Variants in CHRM5 observed in about 807,000 individuals in gnomAD.
The protein encoded by CHRM5 is muscarinic acetylcholine receptor M5.
CHRM5 carries 18 observed loss-of-function variants against 39.0 expected under a neutral mutation model. That is an observed-to-expected ratio of 0.46 (90% confidence interval 0.32 to 0.68). The LOEUF (loss-of-function observed/expected upper bound fraction) is 0.68, where lower values mean the gene tolerates loss of function less well. Among genes scored for constraint, CHRM5 ranks in the 30% least tolerant of loss-of-function variants. The pLI is 0.04. For synonymous variants in CHRM5, 241 were observed against 246.3 expected (o/e 0.98, Z 0.20); for missense variants, 515 against 651.1 (o/e 0.79, Z 2.28).
At chr15:34,039,333 C>CAG (rs1358275961) in intron 1 of CHRM5, among the ~76,000 whole-genome samples, 2 of 149,836 alleles carry the variant, frequency 1.3e-5, no homozygotes, top group Non-Finnish European at 3.0e-5. Context: ...CTCAAGGCAT[C>CAG]AGAGATAGGT....
chr15:34,034,389 TTTGCTCACACTACTGCACTCCAGCG>T (rs1413949272), intron 1 of CHRM5, among the ~76,000 whole-genome samples: 1 of 151,514 alleles, frequency 6.6e-6, no homozygotes, highest in African/African-American at 2.4e-5. Flanking sequence ...AGCAGTGAGC[TTTGCTCACACTACTGCACTCCAGCG>T]TGAGCAACAA....
chr15:33,993,584 T>C (rs542218827), intron 1 of CHRM5, among the ~76,000 whole-genome samples: 11 of 152,358 alleles, frequency 7.2e-5, no homozygotes, highest in African/African-American at 2.6e-4. Context: ...TAAAGAGTTT[T>C]ATTCCTTTTA....
chr15:34,005,529 C>T (rs1211775474), intron 1 of CHRM5, among the ~76,000 whole-genome samples: 1 of 152,126 alleles, frequency 6.6e-6, no homozygotes, highest in Non-Finnish European at 1.5e-5. Context: ...ACAGATGCTG[C>T]TTTGAACCCT....
At chr15:34,030,099 C>T (rs1347477872) in intron 1 of CHRM5, among the ~76,000 whole-genome samples, 1 of 151,854 alleles carries the variant, frequency 6.6e-6, no homozygotes, top group Non-Finnish European at 1.5e-5. Flanking sequence ...ACTAAAAATA[C>T]AAAAATTAGC....
intron 1 of CHRM5, among the ~76,000 whole-genome samples, chr15:34,019,862 T>A (rs1439640805): frequency 1.3e-5 from 2 of 152,220 alleles, no homozygotes; most frequent in African/African-American, 4.8e-5. Flanking sequence ...TCAGACTATA[T>A]CCCCATTAAG....
intron 1 of CHRM5, among the ~76,000 whole-genome samples, chr15:33,995,146 C>T (rs1409282358): frequency 6.6e-6 from 1 of 152,048 alleles, no homozygotes; most frequent in Non-Finnish European, 1.5e-5. Context: ...CCTCTATAGT[C>T]CCACCTACTC....
intron 1 of CHRM5, among the ~76,000 whole-genome samples, chr15:33,979,127 A>G (rs1896023113): frequency 1.3e-5 from 2 of 152,218 alleles, no homozygotes. Context: ...CAATTTGATT[A>G]TAGCTTACTC....
chr15:34,025,917 T>TA (rs1898448691), intron 1 of CHRM5, among the ~76,000 whole-genome samples: 1 of 152,254 alleles, frequency 6.6e-6, no homozygotes, highest in African/African-American at 2.4e-5. Flanking sequence ...CACCCAGAGA[T>TA]AATCCTTACA....
intron 1 of CHRM5, among the ~76,000 whole-genome samples, chr15:34,041,158 C>T (rs774036040): frequency 6.6e-6 from 1 of 152,056 alleles, no homozygotes; most frequent in African/African-American, 2.4e-5. Flanking sequence ...TATTTAATAG[C>T]ATCCCTGGCC....
intron 1 of CHRM5, among the ~76,000 whole-genome samples, chr15:34,017,496 T>TG (rs1324979498): frequency 9.7e-5 from 11 of 113,374 alleles, no homozygotes; most frequent in Non-Finnish European, 1.5e-4. Flanking sequence ...TTTTTTTTTT[T>TG]TTTTGAGACA....
At chr15:34,040,653 G>C (rs979420067) in intron 1 of CHRM5, among the ~76,000 whole-genome samples, 3 of 151,966 alleles carry the variant, frequency 2.0e-5, no homozygotes, top group Admixed American at 1.3e-4. Context: ...TACAGGCCAG[G>C]TGTGTGGTTC....
chr15:33,985,737 C>A (rs1291923007), intron 1 of CHRM5, among the ~76,000 whole-genome samples: 3 of 152,112 alleles, frequency 2.0e-5, no homozygotes, highest in Admixed American at 6.5e-5. Context: ...AGCTAGAAAT[C>A]TTGAGTTTGA....
At chr15:33,975,358 G>A (rs373572562) in intron 1 of CHRM5, among the ~76,000 whole-genome samples, 25 of 152,312 alleles carry the variant, frequency 1.6e-4, no homozygotes, top group African/African-American at 6.0e-4. Flanking sequence ...AGAGGGCACA[G>A]GTTGCGAAAC....
intron 1 of CHRM5, among the ~76,000 whole-genome samples, chr15:33,970,500 G>T (rs369338086): frequency 1.3e-3 from 197 of 151,926 alleles, no homozygotes; most frequent in African/African-American, 4.6e-3. Flanking sequence ...AAAAGTTAAG[G>T]GTGGTATTGT....
At position 34,063,435 on chromosome 15, in the gene CHRM5, G is replaced by C; in HGVS notation, c.718G>C (p.Glu240Gln). The C allele has an allele frequency of 9.3e-6, 15 of 1,613,864 alleles. No homozygotes were observed. Among genetic ancestry groups the C allele is most frequent in the Non-Finnish European group, 1.1e-5 (13 of 1,180,044 alleles). ...LQGSDSVTKA[E>Q]KRKPAHRALF... ...GGGTTCTGACTCTGTGACCAAAGCT[G>C]AGAAGAGAAAGCCAGCTCATAGGGC... Residue 240 changes from glutamate to glutamine, a missense_variant, in exon 3 of 3, where the codon GAG (glutamate) becomes CAG (glutamine). Coordinates refer to ENST00000383263, the MANE Select transcript of CHRM5 (RefSeq NM_012125.4). The surrounding 1 kb of genome is among the most constrained non-coding windows in gnomAD (Gnocchi z 4.1).
intron 1 of CHRM5, among the ~76,000 whole-genome samples, chr15:34,013,586 T>C (rs1258802037): frequency 6.6e-6 from 1 of 152,182 alleles, no homozygotes; most frequent in Non-Finnish European, 1.5e-5. Context: ...GGATCAGGCA[T>C]TGGGAATACA....
intron 1 of CHRM5, among the ~76,000 whole-genome samples, chr15:34,004,980 T>A (rs369286758): frequency 1.2e-4 from 13 of 110,134 alleles, no homozygotes; most frequent in East Asian, 3.9e-4. Flanking sequence ...TTAAAAAAAA[T>A]AATGAGCTTT....
chr15:34,039,143 G>T, intron 1 of CHRM5: 4 of 995,044 alleles, frequency 4.0e-6, no homozygotes, highest in Non-Finnish European at 4.8e-6. Context: ...AGCCGCGAGC[G>T]AAAGGCGCCC....
chr15:34,026,930 T>C (rs1045547663), intron 1 of CHRM5, among the ~76,000 whole-genome samples: 1 of 152,164 alleles, frequency 6.6e-6, no homozygotes, highest in Admixed American at 6.5e-5. Context: ...AGTGACATGA[T>C]GTGTTTTGTC....
Sources: gnomAD v4.1 joint callset for allele counts (sites outside exome capture counted in the v4.1 genomes callset) on GRCh38, gnomAD v4.1.1 for gene constraint, Gnocchi (gnomAD v3.1) non-coding constraint, MANE v1.5 for transcripts, NCBI Gene and HGNC (gene_info 2026-07-23, HGNC 2026-07-21) for gene names.